The following UNC13C variants were observed in gnomAD, a reference collection of about 807,000 sequenced individuals.
UNC13C encodes the protein unc-13 homolog C.
A neutral mutation model predicts 245.4 loss-of-function variants in UNC13C; 174 were observed. The ratio of observed to expected loss-of-function variants is 0.71; its 90% CI spans 0.63 to 0.80. The LOEUF is 0.80. Among genes scored for constraint, UNC13C ranks in the 30% least tolerant of loss-of-function variants. The pLI, the probability that UNC13C is intolerant of heterozygous loss-of-function variation, is 0.00. For synonymous variants in UNC13C, 992 were observed against 895.1 expected, an observed-to-expected ratio of 1.11 and a Z score of -1.93; for missense variants, 2,829 against 2,602.9, an observed-to-expected ratio of 1.09 and a Z score of -1.89.
chr15:54,170,086 A>G (rs1316428636), intron 4 of UNC13C, among the ~76,000 whole-genome samples: 1 of 150,868 alleles, frequency 6.6e-6, no homozygotes, highest in Non-Finnish European at 1.5e-5. Flanking sequence ...TTATTTAAAC[A>G]TTGAATGCTA....
intron 29 of UNC13C, among the ~76,000 whole-genome samples, chr15:54,556,475 A>C (rs1307362344): frequency 6.6e-6 from 1 of 152,044 alleles, no homozygotes; most frequent in Non-Finnish European, 1.5e-5. Flanking sequence ...CAGTGGTAAA[A>C]ACTGCCACAT....
At chr15:54,032,199 A>G (rs1282214245) in intron 2 of UNC13C, among the ~76,000 whole-genome samples, 3 of 152,180 alleles carry the variant, frequency 2.0e-5, no homozygotes, top group African/African-American at 7.2e-5. Flanking sequence ...ATTTGATTCA[A>G]TTGGTAGCTT....
At chr15:54,414,159 C>T (rs1164729185) in intron 18 of UNC13C, among the ~76,000 whole-genome samples, 2 of 152,032 alleles carry the variant, frequency 1.3e-5, no homozygotes, top group Admixed American at 6.6e-5. Context: ...CCACCAGGAG[C>T]CATTTTGCCA....
At chr15:54,553,840 G>C (rs981687160) in intron 28 of UNC13C, among the ~76,000 whole-genome samples, 30 of 151,828 alleles carry the variant, frequency 2.0e-4, no homozygotes, top group African/African-American at 6.5e-4. Flanking sequence ...AGTCAAGATT[G>C]ATGAAGCCAG....
At chr15:54,088,474 T>TCCA (rs2141131342) in intron 2 of UNC13C, among the ~76,000 whole-genome samples, 2 of 152,294 alleles carry the variant, frequency 1.3e-5, no homozygotes, top group South Asian at 4.1e-4. Context: ...AAGAGATGCT[T>TCCA]TACATCGGAT....
chr15:54,462,472 A>G (rs1003006805), intron 19 of UNC13C, among the ~76,000 whole-genome samples: 1 of 152,054 alleles, frequency 6.6e-6, no homozygotes, highest in Non-Finnish European at 1.5e-5. Flanking sequence ...TGCAGGCCGG[A>G]ACCGGGGCTA....
intron 19 of UNC13C, among the ~76,000 whole-genome samples, chr15:54,445,987 A>G (rs1890792455): frequency 6.6e-6 from 1 of 152,164 alleles, no homozygotes; most frequent in East Asian, 1.9e-4. Context: ...TAAGGAAGGG[A>G]TCCAGTTTCA....
At chr15:54,589,722 G>GT (rs1898684986) in intron 30 of UNC13C, among the ~76,000 whole-genome samples, 2 of 151,992 alleles carry the variant, frequency 1.3e-5, no homozygotes, top group Non-Finnish European at 2.9e-5. Context: ...TTTGTCAGAA[G>GT]TATAGATTGT....
chr15:54,260,872 A>C (rs1365605137), intron 8 of UNC13C, among the ~76,000 whole-genome samples: 3 of 151,850 alleles, frequency 2.0e-5, no homozygotes, highest in Non-Finnish European at 2.9e-5. Context: ...CAAAAATTGT[A>C]AATTGCCATA....
intron 20 of UNC13C, among the ~76,000 whole-genome samples, 153 bp from the exon 21 acceptor site, chr15:54,499,926 C>T (rs1894124432): frequency 6.6e-6 from 1 of 152,036 alleles, no homozygotes; most frequent in Non-Finnish European, 1.5e-5. Flanking sequence ...TGATGGAGAA[C>T]AGGTAAAGGT....
chr15:54,494,118 A>G (rs1469450823), intron 19 of UNC13C, among the ~76,000 whole-genome samples: 8 of 152,152 alleles, frequency 5.3e-5, no homozygotes, highest in Non-Finnish European at 8.8e-5. Context: ...TTGATTAATC[A>G]ATGATTATAG....
chr15:53,890,986 C>G, the UNC13C span, among the ~76,000 whole-genome samples: 2 of 152,120 alleles, frequency 1.3e-5, no homozygotes. Flanking sequence ...TTCCTGCTTT[C>G]TCTTGTGGGC....
chr15:54,522,326 A>G (rs1055046204), intron 24 of UNC13C, among the ~76,000 whole-genome samples: 2 of 151,762 alleles, frequency 1.3e-5, no homozygotes, highest in African/African-American at 4.8e-5. Flanking sequence ...CAAAAAAAAA[A>G]AAAAAGCTGG....
intron 2 of UNC13C, among the ~76,000 whole-genome samples, chr15:54,024,026 T>A (rs980098051): frequency 8.5e-5 from 13 of 152,194 alleles, no homozygotes; most frequent in African/African-American, 3.1e-4. Flanking sequence ...CTCTGAACTC[T>A]GGTGTAAGAT....
chr15:54,098,272 T>A (rs934565281), intron 2 of UNC13C, among the ~76,000 whole-genome samples: 1 of 152,182 alleles, frequency 6.6e-6, no homozygotes, highest in African/African-American at 2.4e-5. Context: ...CCTGCTGGGT[T>A]CAAGCAATTC....
chr15:54,170,493 G>A (rs1044060213), intron 4 of UNC13C, among the ~76,000 whole-genome samples: 2 of 152,072 alleles, frequency 1.3e-5, no homozygotes, highest in Non-Finnish European at 2.9e-5. Context: ...TTATCATTAC[G>A]TGTGGTACTG....
intron 17 of UNC13C, among the ~76,000 whole-genome samples, chr15:54,370,613 C>T (rs984691423): frequency 6.6e-6 from 1 of 152,094 alleles, no homozygotes; most frequent in African/African-American, 2.4e-5. Flanking sequence ...TTTGATAAAA[C>T]ATGAATATGG....
intron 1 of UNC13C, among the ~76,000 whole-genome samples, chr15:53,998,538 C>T (rs1566939188): frequency 6.6e-6 from 1 of 152,068 alleles, no homozygotes; most frequent in Non-Finnish European, 1.5e-5. Flanking sequence ...AAGATTTTCA[C>T]ATAAATACTC....
chr15:54,449,531 T>C (rs1232837165), intron 19 of UNC13C, among the ~76,000 whole-genome samples: 2 of 152,220 alleles, frequency 1.3e-5, no homozygotes, highest in African/African-American at 2.4e-5. Context: ...CATTTGATAT[T>C]CAATCACTGA....
Sources: gnomAD v4.1 joint callset for allele counts (sites outside exome capture counted in the v4.1 genomes callset) on GRCh38, gnomAD v4.1.1 for gene constraint, MANE v1.5 for transcripts, NCBI Gene and HGNC (gene_info 2026-07-23, HGNC 2026-07-21) for gene names.